Variants in CSMD1 observed in about 807,000 individuals in gnomAD.
The protein encoded by CSMD1 is CUB and sushi domain-containing protein 1.
A neutral mutation model predicts 417.5 loss-of-function variants in CSMD1; 213 were observed. The ratio of observed to expected loss-of-function variants is 0.51; its 90% CI spans 0.46 to 0.57. CSMD1 has a LOEUF of 0.57. Among genes scored for constraint, CSMD1 ranks in the 20% least tolerant of loss-of-function variants. The pLI, the probability that CSMD1 is intolerant of heterozygous loss-of-function variation, is 0.00. For synonymous variants in CSMD1, 2,862 were observed against 1,736.8 expected (o/e 1.65, Z -16.11); for missense variants, 6,923 against 4,529.7 (o/e 1.53, Z -15.17).
intron 1 of CSMD1, among the ~76,000 whole-genome samples, chr8:4,881,255 T>C (rs1400389200): frequency 6.6e-6 from 1 of 152,114 alleles, no homozygotes; most frequent in Non-Finnish European, 1.5e-5. Flanking sequence ...CAATATGTGG[T>C]CTCTCTGTGA....
chr8:4,391,815 C>G (rs1803867280), intron 3 of CSMD1, among the ~76,000 whole-genome samples: 1 of 152,186 alleles, frequency 6.6e-6, no homozygotes. Context: ...ATCATGGCAG[C>G]TGCCTTGCTT....
intron 1 of CSMD1, among the ~76,000 whole-genome samples, chr8:4,841,807 A>G (rs956528832): frequency 4.2e-5 from 6 of 144,190 alleles, no homozygotes; most frequent in Admixed American, 7.5e-5. Context: ...GCTACTCGGG[A>G]GGCTGAGGCA....
At chr8:3,753,065 A>C (rs998200172) in intron 6 of CSMD1, among the ~76,000 whole-genome samples, 1 of 152,154 alleles carries the variant, frequency 6.6e-6, no homozygotes, top group Non-Finnish European at 1.5e-5. Context: ...TGCAGCATGG[A>C]GGATGCTGTA....
At position 4,164,775 on chromosome 8, in the gene CSMD1, C is replaced by T. The variant is rs562676263; in HGVS notation, c.416-132676G>A. On this transcript the variant is annotated intron_variant, in intron 3 of 69. Coordinates refer to ENST00000635120, the MANE Select transcript of CSMD1 (RefSeq NM_033225.6). ...CCTGTAGTCCTAGCTACCTGGGAGG[C>T]GGAGGCAGGAGAATGGCGTGAAATC... Among the ~76,000 whole-genome samples, 466 of 151,782 alleles carry T rather than the reference C, an allele frequency of 3.1e-3. 3 individuals are homozygous for T. Among genetic ancestry groups the T allele is most frequent in the Non-Finnish European group, 5.1e-3 (346 of 67,936 alleles).
chr8:4,633,202 A>C (rs1185818061), intron 2 of CSMD1, among the ~76,000 whole-genome samples: 1 of 13,990 alleles, frequency 7.1e-5, no homozygotes, highest in Non-Finnish European at 2.5e-4. Flanking sequence ...ATTAGGATCA[A>C]AAACAGGCTG....
intron 3 of CSMD1, among the ~76,000 whole-genome samples, chr8:4,164,506 A>G (rs1365800998): frequency 6.6e-6 from 1 of 152,076 alleles, no homozygotes; most frequent in Non-Finnish European, 1.5e-5. Context: ...AGCTAATCCT[A>G]CCAATGTCCC....
chr8:4,884,870 T>C (rs1803638602), intron 1 of CSMD1, among the ~76,000 whole-genome samples: 1 of 152,074 alleles, frequency 6.6e-6, no homozygotes, highest in African/African-American at 2.4e-5. Flanking sequence ...TCAACATAAA[T>C]TTTAGGGTCA....
intron 26 of CSMD1, among the ~76,000 whole-genome samples, chr8:3,240,823 C>T (rs1372150690): frequency 6.6e-6 from 1 of 152,068 alleles, no homozygotes; most frequent in Non-Finnish European, 1.5e-5. Flanking sequence ...CTGAACTAAC[C>T]TGTAAGGCTT....
At position 4,484,890 on chromosome 8, in the gene CSMD1, G is replaced by A. The variant is rs1042604286; in HGVS notation, c.303-64825C>T. Among the ~76,000 whole-genome samples, 7 of 149,442 alleles carry A rather than the reference G, an allele frequency of 4.7e-5. No individual in the cohort carries two copies. In the East Asian group the frequency reaches 1.2e-3, roughly 26 times the overall value. On this transcript the variant is annotated intron_variant, in intron 2 of 69. Transcript: ENST00000635120. ...CGGGAGGCTGAGGCGGGAGAATGGCGTGAACCCGGGAGGCAGAGGTTGCAG... is the reference window on the plus strand; with the variant it reads ...CGGGAGGCTGAGGCGGGAGAATGGCATGAACCCGGGAGGCAGAGGTTGCAG...
chr8:4,801,181 C>G (rs941157892), intron 1 of CSMD1, among the ~76,000 whole-genome samples: 3 of 152,188 alleles, frequency 2.0e-5, no homozygotes, highest in Admixed American at 6.5e-5. Context: ...ACTGTCTGTG[C>G]CCTTTTCCTA....
chr8:4,819,967 G>C (rs1799428467), intron 1 of CSMD1, among the ~76,000 whole-genome samples: 2 of 152,112 alleles, frequency 1.3e-5, no homozygotes, highest in Admixed American at 1.3e-4. Flanking sequence ...CAACTAATTG[G>C]TTTTATTGTA....
At chr8:4,927,350 G>A (rs1297146108) in intron 1 of CSMD1, among the ~76,000 whole-genome samples, 3 of 151,878 alleles carry the variant, frequency 2.0e-5, no homozygotes, top group Non-Finnish European at 4.4e-5. Flanking sequence ...GAGCCACCAC[G>A]CCCGGCCAAA....
chr8:4,023,133 G>T (rs572160825), intron 4 of CSMD1, among the ~76,000 whole-genome samples: 159 of 152,292 alleles, frequency 1.0e-3, no homozygotes, highest in African/African-American at 3.5e-3. Flanking sequence ...GCACTCTAAT[G>T]TGTGGAGGAA....
In CSMD1 at chr8:4,645,729, C is replaced by T. The variant is rs76645890; in HGVS notation, c.86-8171G>A. Among the ~76,000 whole-genome samples, 93 of 152,208 alleles carry T rather than the reference C, an allele frequency of 6.1e-4. 1 individual carries two copies. In the East Asian group the frequency reaches 0.016, roughly 27 times the overall value. On this transcript the variant is annotated intron_variant, in intron 1 of 69. Transcript: ENST00000635120. ...AAGGAATATTTAGCTAGAGGGCCTCCTAATTGCAAGAGAATTTTACGTGAA... is the reference window on the plus strand; with the variant it reads ...AAGGAATATTTAGCTAGAGGGCCTCTTAATTGCAAGAGAATTTTACGTGAA...
intron 7 of CSMD1, among the ~76,000 whole-genome samples, chr8:3,632,025 C>G (rs1293431620): frequency 6.6e-6 from 1 of 152,202 alleles, no homozygotes; most frequent in Non-Finnish European, 1.5e-5. Flanking sequence ...GTTAACTCAT[C>G]ATTCAATCAG....
intron 10 of CSMD1, among the ~76,000 whole-genome samples, chr8:3,547,315 T>G (rs1239733800): frequency 6.6e-6 from 1 of 152,254 alleles, no homozygotes; most frequent in Non-Finnish European, 1.5e-5. Context: ...TGTGTGCTTA[T>G]TTCAGTTTCT....
At position 3,685,121 on chromosome 8, in the gene CSMD1, T is replaced by C. The variant is rs559579745; in HGVS notation, c.1009+23293A>G. Among the ~76,000 whole-genome samples, 6 of 152,322 alleles carry C rather than the reference T, an allele frequency of 3.9e-5. No homozygotes were observed. In the South Asian group the frequency reaches 1.2e-3, roughly 32 times the overall value. The stretch of plus-strand genomic sequence containing the variant: ...GGGTTCATTATAGAAAATGCATGGC[T>C]GGATTTTTAAAGTGTTTTGATGTCA... On this transcript the variant is annotated intron_variant, in intron 7 of 69. Coordinates refer to ENST00000635120, the MANE Select transcript of CSMD1 (RefSeq NM_033225.6).
chr8:4,666,154 C>T (rs1213961933), intron 1 of CSMD1, among the ~76,000 whole-genome samples: 1 of 152,114 alleles, frequency 6.6e-6, no homozygotes, highest in Non-Finnish European at 1.5e-5. Context: ...ACAGCACATC[C>T]TGGGATGCAG....
Position 3,441,706 on chromosome 8 carries a change from C to T in CSMD1, c.1561+27006G>A, listed in dbSNP as rs145022265. On this transcript the variant is annotated intron_variant, in intron 12 of 69. Transcript: ENST00000635120. ...TGGTGTAAATAAACCTACTGTGCTG[C>T]CAGCCATGTGAAAGCGGAGCAGTGC... Among the ~76,000 whole-genome samples, 1,294 of 152,172 alleles carry T rather than the reference C, an allele frequency of 8.5e-3. 17 individuals carry two copies. The highest frequency in any genetic ancestry group is 0.012 in the Non-Finnish European group (839 of 68,002).
Sources: allele counts gnomAD v4.1 joint callset (sites outside exome capture counted in the v4.1 genomes callset), GRCh38; gene constraint gnomAD v4.1.1; transcripts MANE v1.5; gene names NCBI Gene and HGNC (gene_info 2026-07-23, HGNC 2026-07-21).